Variants in TRAK2 observed in about 807,000 individuals in gnomAD.
TRAK2 encodes the protein trafficking kinesin-binding protein 2.
TRAK2 carries 81 observed loss-of-function variants against 104.6 expected under a neutral mutation model. The ratio of observed to expected loss-of-function variants is 0.77; its 90% CI spans 0.65 to 0.93. The LOEUF (loss-of-function observed/expected upper bound fraction) is 0.93, where lower values mean the gene tolerates loss of function less well. TRAK2 is among the 40% of genes least tolerant of loss of function. The pLI is 0.00. For missense variants in TRAK2, 1,002 were observed against 1,089.0 expected, an observed-to-expected ratio of 0.92 and a Z score of 1.12; for synonymous variants, 406 against 394.4, an observed-to-expected ratio of 1.03 and a Z score of -0.35.
intron 1 of TRAK2, among the ~76,000 whole-genome samples, chr2:201,446,956 A>T (rs1240457819): frequency 6.6e-6 from 1 of 152,188 alleles, no homozygotes; most frequent in Admixed American, 6.5e-5. Flanking sequence ...TCTTATGTAC[A>T]CCCTAAGGGT....
chr2:201,408,861 CAA>C (rs1294999872), intron 2 of TRAK2, among the ~76,000 whole-genome samples: 10 of 152,098 alleles, frequency 6.6e-5, no homozygotes, highest in African/African-American at 2.4e-4. Flanking sequence ...AGTATATTCT[CAA>C]AGTCATTAAA....
intron 3 of TRAK2, among the ~76,000 whole-genome samples, chr2:201,402,909 T>C (rs1951561479): frequency 6.6e-6 from 1 of 152,122 alleles, no homozygotes; most frequent in East Asian, 1.9e-4. Flanking sequence ...GAGCCAGGAA[T>C]TAAAACCACC....
chr2:201,399,194 A>G (rs1407714542), intron 5 of TRAK2, among the ~76,000 whole-genome samples, 183 bp downstream of exon 5: 3 of 152,122 alleles, frequency 2.0e-5, no homozygotes, highest in Non-Finnish European at 4.4e-5. Flanking sequence ...TAGTTACGTG[A>G]GTTCTCCTCT....
intron 4 of TRAK2, among the ~76,000 whole-genome samples, chr2:201,400,489 T>C (rs1044303163): frequency 3.9e-5 from 6 of 151,914 alleles, no homozygotes; most frequent in Non-Finnish European, 8.8e-5. Context: ...GAGAAGGATA[T>C]GTTAAAGAAA....
rs576608028 is a variant in TRAK2 at position 201,386,638 on chromosome 2, T to A, written c.1697-154A>T. Among the ~76,000 whole-genome samples the A allele has an allele frequency of 3.3e-5, 5 of 152,186 alleles. No individual in the cohort carries two copies. In the South Asian group the frequency reaches 1.0e-3, roughly 32 times the overall value. On this transcript the variant is annotated intron_variant, in intron 13 of 15. Coordinates refer to ENST00000332624, the MANE Select transcript of TRAK2 (RefSeq NM_015049.3). ...ATTTGGTAAAAGCTGCAAATTAAAG[T>A]TTTCAGTGGAAGATGACAAGATGTC... is the stretch of plus-strand genomic sequence containing the variant.
intron 1 of TRAK2, among the ~76,000 whole-genome samples, chr2:201,431,625 C>T (rs1951843165): frequency 6.6e-6 from 1 of 152,234 alleles, no homozygotes; most frequent in Non-Finnish European, 1.5e-5. Flanking sequence ...ACTGGATAAT[C>T]CAGCATAATC....
At chr2:201,435,707 T>C (rs773608880) in intron 1 of TRAK2, among the ~76,000 whole-genome samples, 6 of 152,212 alleles carry the variant, frequency 3.9e-5, no homozygotes, top group Non-Finnish European at 8.8e-5. Flanking sequence ...AAAGAAATAC[T>C]TTTTGTTTGG....
intron 1 of TRAK2, among the ~76,000 whole-genome samples, chr2:201,426,576 G>C (rs1951790798): frequency 6.6e-6 from 1 of 152,192 alleles, no homozygotes; most frequent in South Asian, 2.1e-4. Context: ...AAAGGCTGGG[G>C]ACCTCTGTTC....
At chr2:201,392,761 TA>T in intron 10 of TRAK2, 147 bp downstream of exon 10, 1 of 709,434 alleles carries the variant, frequency 1.4e-6, no homozygotes, top group Non-Finnish European at 2.3e-6. Flanking sequence ...ATATACAAAT[TA>T]GGGCCTAAAT....
chr2:201,422,348 T>C (rs1377213405), intron 1 of TRAK2, among the ~76,000 whole-genome samples: 2 of 152,210 alleles, frequency 1.3e-5, no homozygotes, highest in Non-Finnish European at 2.9e-5. Context: ...TATATGTGCA[T>C]ACTTAAAAAA....
chr2:201,440,731 T>G (rs1201043072), intron 1 of TRAK2, among the ~76,000 whole-genome samples: 2 of 152,256 alleles, frequency 1.3e-5, no homozygotes, highest in East Asian at 1.9e-4. Context: ...CATTTATGCC[T>G]ACTGTTCCAT....
Position 201,417,612 on chromosome 2 carries a change from A to C in TRAK2, c.91+2805T>G, listed in dbSNP as rs141086040. On this transcript the variant is annotated intron_variant, in intron 2 of 15. Coordinates refer to ENST00000332624, the MANE Select transcript of TRAK2 (RefSeq NM_015049.3). ...TCTCAATTTAATATAGGGTATTGTC[A>C]AGAGACTTAATGGTCAAATACTGTA... Among the ~76,000 whole-genome samples the C allele has an allele frequency of 2.3e-3, 349 of 152,318 alleles. 1 individual carries two copies. Among genetic ancestry groups the C allele is most frequent in the African/African-American group, 7.9e-3 (328 of 41,570 alleles).
In TRAK2 at chr2:201,386,394, A is replaced by C. The variant is rs912406264; in HGVS notation, c.1787T>G (p.Phe596Cys). 2 of 1,614,188 alleles carry C rather than the reference A, an allele frequency of 1.2e-6. No homozygotes were observed. Among genetic ancestry groups the C allele is most frequent in the Non-Finnish European group, 1.7e-6 (2 of 1,180,018 alleles). Reference protein sequence around the residue: ...DPRPGVITKGFTQLPGDAIYH... With the variant: ...DPRPGVITKGCTQLPGDAIYH... ...AATAGCATCCCCGGGCAACTGGGTAAAGCCTTTAGTAATGACACCTGGTCG... is the reference window on the plus strand; with the variant it reads ...AATAGCATCCCCGGGCAACTGGGTACAGCCTTTAGTAATGACACCTGGTCG... The change falls in exon 14 of 16, where the codon TTT becomes TGT. Residue 596 changes from phenylalanine to cysteine, a missense_variant. Transcript: ENST00000332624.
chr2:201,430,692 G>A (rs1388525910), intron 1 of TRAK2, among the ~76,000 whole-genome samples: 1 of 152,182 alleles, frequency 6.6e-6, no homozygotes, highest in Non-Finnish European at 1.5e-5. Flanking sequence ...GCAGTACTAG[G>A]GTGGGAGTGT....
chr2:201,400,246 T>C (rs1340236826), intron 4 of TRAK2, among the ~76,000 whole-genome samples: 1 of 152,054 alleles, frequency 6.6e-6, no homozygotes, highest in African/African-American at 2.4e-5. Context: ...ATTCCATCTG[T>C]GTGGTAGTGG....
chr2:201,436,315 C>T (rs73988787), intron 1 of TRAK2, among the ~76,000 whole-genome samples: 9,471 of 152,094 alleles, frequency 0.062, 659 homozygotes, highest in East Asian at 0.26. Context: ...TACTGTACTT[C>T]TAGAAACAAA....
In TRAK2 at chr2:201,399,473, G is replaced by C. The variant is rs1434500966; in HGVS notation, c.384C>G (p.Leu128=). ...AGAGAGCTTGTCCAATTCGAGCAGC[G>C]AGTTCCAGATCACGATCCCTCTGTT... The part of the protein sequence containing the change: ...LLAERDRDLE[L]AARIGQALLK... The change falls in exon 5 of 16, where the codon CTC becomes CTG. Residue 128 remains leucine (L), a synonymous_variant. Coordinates refer to ENST00000332624, the MANE Select transcript of TRAK2 (RefSeq NM_015049.3). 6.2e-7 allele frequency: 1 copy of C among 1,612,444 alleles called. No individual in the cohort carries two copies. The highest frequency in any genetic ancestry group is 2.2e-5 in the East Asian group (1 of 44,856).
chr2:201,444,641 TA>T (rs1951950903), intron 1 of TRAK2, among the ~76,000 whole-genome samples: 1 of 151,400 alleles, frequency 6.6e-6, no homozygotes, highest in African/African-American at 2.4e-5. Flanking sequence ...TAAATTGTAA[TA>T]ATATATTTGT....
chr2:201,404,006 A>G (rs1951572109), intron 3 of TRAK2, among the ~76,000 whole-genome samples: 1 of 152,200 alleles, frequency 6.6e-6, no homozygotes, highest in African/African-American at 2.4e-5. Context: ...GAAAAGAACA[A>G]TGGATTTTTC....
Sources: allele counts gnomAD v4.1 joint callset (sites outside exome capture counted in the v4.1 genomes callset), GRCh38; gene constraint gnomAD v4.1.1; transcripts MANE v1.5; gene names NCBI Gene and HGNC (gene_info 2026-07-23, HGNC 2026-07-21).